The following CACNA2D3 variants were observed in gnomAD, a reference collection of about 807,000 sequenced individuals.
The protein encoded by CACNA2D3 is calcium voltage-gated channel auxiliary subunit alpha2delta 3.
CACNA2D3 carries 60 observed loss-of-function variants against 160.6 expected under a neutral mutation model. The observed-to-expected ratio is 0.37, with a 90% CI of 0.30 to 0.46. CACNA2D3 has a LOEUF of 0.46. CACNA2D3 is among the 20% of genes least tolerant of loss of function. The probability of loss-of-function intolerance (pLI) is 1.00; values close to 1 mark genes in which losing one functional copy is unlikely to be tolerated. For missense variants in CACNA2D3, 1,205 were observed against 1,365.0 expected (o/e 0.88, Z 1.85); for synonymous variants, 558 against 492.9 (o/e 1.13, Z -1.75).
At chr3:54,626,417 C>G in intron 9 of CACNA2D3, 2 of 1,582,626 alleles carry the variant, frequency 1.3e-6, no homozygotes, top group Non-Finnish European at 1.7e-6. Context: ...GAGGCGCTGC[C>G]CATGGAGAAG....
rs915935173 is a variant in CACNA2D3, at chr3:54,386,783, T to C, written c.381+9T>C. On this transcript the variant is annotated intron_variant, in intron 4 of 37. Transcript: ENST00000474759. ...TTGATGCAGACTTACAGGTAACTGA[T>C]TATAGTTTGAGTTAAATTGTTTTGT... 5 of 1,587,562 alleles carry C rather than the reference T, an allele frequency of 3.1e-6. No individual in the cohort carries two copies. The African/African-American group carries it at 6.7e-5, about 21-fold the overall frequency.
At chr3:54,292,302 T>C (rs1056081249) in intron 2 of CACNA2D3, among the ~76,000 whole-genome samples, 1 of 152,146 alleles carries the variant, frequency 6.6e-6, no homozygotes, top group Non-Finnish European at 1.5e-5. Context: ...AGCAAAAGTA[T>C]GAGGAATGAA....
At chr3:55,063,476 G>A (rs1427763875) in intron 35 of CACNA2D3, among the ~76,000 whole-genome samples, 1 of 151,948 alleles carries the variant, frequency 6.6e-6, no homozygotes, top group Non-Finnish European at 1.5e-5. Context: ...AAAAAAAAAT[G>A]CAAAATGAAA....
At chr3:54,267,019 G>C (rs553550410) in intron 2 of CACNA2D3, among the ~76,000 whole-genome samples, 2 of 152,276 alleles carry the variant, frequency 1.3e-5, no homozygotes, top group Non-Finnish European at 2.9e-5. Context: ...AATGGGGGGA[G>C]GCTGTAACTA....
chr3:54,548,017 A>G (rs148500221), intron 5 of CACNA2D3, among the ~76,000 whole-genome samples: 2 of 152,254 alleles, frequency 1.3e-5, no homozygotes, highest in Non-Finnish European at 2.9e-5. Context: ...TCTTTATACA[A>G]GTGATGTGTT....
intron 14 of CACNA2D3, among the ~76,000 whole-genome samples, chr3:54,821,654 T>TTC (rs200513131): frequency 6.3e-5 from 4 of 63,224 alleles, no homozygotes; most frequent in Non-Finnish European, 1.1e-4. Context: ...CTTTCTTTCT[T>TTC]TCTTTCTTTC....
At chr3:54,252,620 G>A (rs1702216788) in intron 2 of CACNA2D3, among the ~76,000 whole-genome samples, 1 of 152,164 alleles carries the variant, frequency 6.6e-6, no homozygotes, top group Non-Finnish European at 1.5e-5. Flanking sequence ...TCTGCAGGCT[G>A]CCTGCCCTGG....
At chr3:55,032,759 C>A (rs1444239564) in intron 35 of CACNA2D3, among the ~76,000 whole-genome samples, 2 of 152,048 alleles carry the variant, frequency 1.3e-5, no homozygotes, top group East Asian at 3.9e-4. Flanking sequence ...CGGTGCCTGG[C>A]ATTTAGTTGG....
intron 11 of CACNA2D3, among the ~76,000 whole-genome samples, chr3:54,709,965 GTAT>G (rs1309773788): frequency 6.6e-6 from 1 of 152,096 alleles, no homozygotes; most frequent in African/African-American, 2.4e-5. Context: ...CCTGGTAGAG[GTAT>G]TATTTTCCAA....
At chr3:54,148,234 G>A (rs1360294680) in intron 2 of CACNA2D3, among the ~76,000 whole-genome samples, 1 of 152,244 alleles carries the variant, frequency 6.6e-6, no homozygotes, top group Non-Finnish European at 1.5e-5. Flanking sequence ...GGGATGCAGA[G>A]ACCAAGCTGA....
At chr3:54,426,965 C>G (rs1395579438) in intron 4 of CACNA2D3, among the ~76,000 whole-genome samples, 1 of 152,078 alleles carries the variant, frequency 6.6e-6, no homozygotes, top group Non-Finnish European at 1.5e-5. Flanking sequence ...CTTGACCCTT[C>G]CTTGTTTTTC....
At chr3:54,817,333 T>C (rs1364610338) in intron 14 of CACNA2D3, among the ~76,000 whole-genome samples, 1 of 152,228 alleles carries the variant, frequency 6.6e-6, no homozygotes, top group Non-Finnish European at 1.5e-5. Flanking sequence ...GCTCCTTTGC[T>C]AGCTTCATCA....
chr3:54,762,856 C>T (rs529462461), intron 12 of CACNA2D3, among the ~76,000 whole-genome samples: 8 of 152,242 alleles, frequency 5.3e-5, no homozygotes, highest in Non-Finnish European at 1.0e-4. Flanking sequence ...CTTTGGGAGG[C>T]CGAGGCAGGC....
intron 26 of CACNA2D3, 67 bp from the exon 27 acceptor site, chr3:54,899,721 G>C: frequency 8.5e-7 from 1 of 1,177,094 alleles, no homozygotes; most frequent in South Asian, 1.3e-5. Context: ...AGACCGATAT[G>C]ATTACTCTCT....
chr3:54,400,835 T>G (rs960850399), intron 4 of CACNA2D3, among the ~76,000 whole-genome samples: 2 of 152,020 alleles, frequency 1.3e-5, no homozygotes, highest in African/African-American at 4.8e-5. Context: ...ACAAGAAACA[T>G]GAAAAAGCAA....
At chr3:54,988,996 C>T (rs748038734) in intron 31 of CACNA2D3, among the ~76,000 whole-genome samples, 5 of 152,086 alleles carry the variant, frequency 3.3e-5, no homozygotes, top group Non-Finnish European at 5.9e-5. Context: ...CTTGAAAACT[C>T]TGCTTGGATC....
intron 4 of CACNA2D3, among the ~76,000 whole-genome samples, chr3:54,407,366 A>C (rs1253602317): frequency 1.3e-5 from 2 of 152,168 alleles, no homozygotes; most frequent in African/African-American, 2.4e-5. Flanking sequence ...AACCACCCCC[A>C]CAGTCATCTA....
intron 17 of CACNA2D3, among the ~76,000 whole-genome samples, chr3:54,863,825 A>G (rs547712563): frequency 6.6e-6 from 1 of 152,314 alleles, no homozygotes; most frequent in South Asian, 2.1e-4. Flanking sequence ...GATGCTTAAA[A>G]ACATTAATTA....
chr3:54,221,822 GTACAGT>G (rs528669015), intron 2 of CACNA2D3, among the ~76,000 whole-genome samples: 115 of 151,834 alleles, frequency 7.6e-4, no homozygotes, highest in Admixed American at 1.3e-3. Flanking sequence ...TAAAATTATT[GTACAGT>G]TACTTTTTAT....
Sources: gnomAD v4.1 joint callset for allele counts (sites outside exome capture counted in the v4.1 genomes callset) on GRCh38, gnomAD v4.1.1 for gene constraint, MANE v1.5 for transcripts, NCBI Gene and HGNC (gene_info 2026-07-23, HGNC 2026-07-21) for gene names.